The following HYDIN variants were observed in gnomAD, a reference collection of about 807,000 sequenced individuals.
The protein encoded by HYDIN is axonemal central pair apparatus protein HYDIN.
In HYDIN, 132 loss-of-function variants were observed where a neutral mutation model predicts 403.9. The ratio of observed to expected loss-of-function variants is 0.33; its 90% confidence interval spans 0.28 to 0.38. HYDIN has a LOEUF of 0.38. HYDIN is among the 10% of genes least tolerant of loss of function. The probability of loss-of-function intolerance (pLI) is 1.00; values close to 1 mark genes in which losing one functional copy is unlikely to be tolerated. For synonymous variants in HYDIN, 1,202 were observed against 1,891.7 expected, an observed-to-expected ratio of 0.64 and a Z score of 9.46; for missense variants, 2,827 against 5,009.5, an observed-to-expected ratio of 0.56 and a Z score of 13.15.
chr16:71,067,004 A>C lies in HYDIN; in HGVS notation c.2075+286T>G, dbSNP rs1427497904. 1.7e-5 allele frequency: 11 copies of C among 663,128 alleles called. No individual in the cohort carries two copies. The East Asian group carries it at 3.0e-4, about 18-fold the overall frequency. 41.1% of individuals were successfully genotyped at this position (663,128 alleles called of 1,614,324 possible). A position where few individuals can be genotyped will look rare whatever the true frequency, so the allele number is the denominator to read the frequency against. ...CCTGCTAAAACCTTTCTGGTTACATACTTTGAAAGTCAAACCCGTTAGAGA... is the reference window on the plus strand; with the variant it reads ...CCTGCTAAAACCTTTCTGGTTACATCCTTTGAAAGTCAAACCCGTTAGAGA... On this transcript the variant is annotated intron_variant, in intron 15 of 85. Transcript: ENST00000393567.
intron 8 of HYDIN, chr16:71,133,412 C>T (rs534756744): frequency 7.8e-5 from 29 of 372,368 alleles, no homozygotes; most frequent in Non-Finnish European, 1.4e-4. Flanking sequence ...TTTGTATAAA[C>T]CCTAGGGAAG....
chr16:71,190,091 A>G (rs564204451), intron 1 of HYDIN, among the ~76,000 whole-genome samples: 6 of 152,296 alleles, frequency 3.9e-5, no homozygotes, highest in African/African-American at 1.2e-4. Flanking sequence ...AAAGCCCATA[A>G]GCAATGAAAG....
In HYDIN at chr16:70,863,172, T is replaced by C; in HGVS notation, c.11482A>G (p.Ile3828Val). 6.2e-7 allele frequency: 1 copy of C among 1,613,556 alleles called. No homozygotes were observed. Among genetic ancestry groups the C allele is most frequent in the Non-Finnish European group, 8.5e-7 (1 of 1,179,812 alleles). The change falls in exon 68 of 86, where the codon ATT (isoleucine) becomes GTT (valine). Residue 3828 changes from isoleucine (I) to valine (V), a missense_variant. Ile to Val is a conservative substitution (Grantham distance 29). Transcript: ENST00000393567. ...YQTRVFEFDV[I>V]NSGRVQLEFS... Reference sequence around the variant, plus strand: ...TCCAGCTGGACACGTCCTGAATTAATCACATCGAACCTGCAAATCGATCAG... The same window carrying C: ...TCCAGCTGGACACGTCCTGAATTAACCACATCGAACCTGCAAATCGATCAG...
intron 71 of HYDIN, among the ~76,000 whole-genome samples, chr16:70,859,781 G>T (rs891142174): frequency 6.6e-6 from 1 of 152,106 alleles, no homozygotes; most frequent in Non-Finnish European, 1.5e-5. Context: ...AGGGTCCCCA[G>T]GCATTGGTGT....
chr16:71,222,057 A>G (rs529674019), intron 1 of HYDIN, among the ~76,000 whole-genome samples: 20 of 152,254 alleles, frequency 1.3e-4, no homozygotes, highest in Middle Eastern at 3.4e-3. Flanking sequence ...ATCATCTTCT[A>G]CCACATGGCT....
intron 76 of HYDIN, among the ~76,000 whole-genome samples, chr16:70,839,843 A>G (rs1321976753): frequency 7.0e-6 from 1 of 143,292 alleles, no homozygotes; most frequent in Non-Finnish European, 1.5e-5. Context: ...GCATTGCTCT[A>G]CATACTTCAC....
intron 52 of HYDIN, among the ~76,000 whole-genome samples, chr16:70,902,794 A>AATATATATATATATAT (rs1264288990): frequency 8.2e-5 from 5 of 61,134 alleles, no homozygotes; most frequent in Non-Finnish European, 1.1e-4. Context: ...CTACTCTTTA[A>AATATATATATATATAT]ATATATATAT....
intron 73 of HYDIN, among the ~76,000 whole-genome samples, chr16:70,851,573 C>A (rs911428745): frequency 1.3e-5 from 2 of 150,420 alleles, no homozygotes; most frequent in Non-Finnish European, 3.0e-5. Flanking sequence ...AAATAAAAAA[C>A]AACAGATCCT....
chr16:71,132,673 G>C (rs1050156101), intron 8 of HYDIN: 8 of 148,872 alleles, frequency 5.4e-5, no homozygotes, highest in African/African-American at 2.0e-4. Flanking sequence ...CCCTGTACCA[G>C]AAAACAAAGA....
chr16:70,807,697 TC>T lies in HYDIN; in HGVS notation c.15248del (p.Gly5083GlufsTer14), dbSNP rs1320629485. 1 of 1,614,040 alleles carries T rather than the reference TC, an allele frequency of 6.2e-7. No homozygotes were observed. The highest frequency in any genetic ancestry group is 1.3e-5 in the African/African-American group (1 of 74,904). ...KINNITVSFEGNPSGSKTPIT... is the reference protein window; with the variant it reads ...KINNITVSFEXNPSGSKTPIT... ...TGGGGGTTTTGCTGCCAGATGGGTTTCCTTCAAAGGAGACTGTGATGTTGTT... is the reference window on the plus strand; with the variant it reads ...TGGGGGTTTTGCTGCCAGATGGGTTTCTTCAAAGGAGACTGTGATGTTGTT... On this transcript the variant is annotated frameshift_variant, in exon 86 of 86. Coordinates refer to ENST00000393567, the MANE Select transcript of HYDIN (RefSeq NM_001270974.2). LOFTEE classifies it high-confidence loss of function.
At chr16:71,008,479 G>A (rs564413778) in intron 23 of HYDIN, among the ~76,000 whole-genome samples, 1 of 152,232 alleles carries the variant, frequency 6.6e-6, no homozygotes, top group Non-Finnish European at 1.5e-5. Flanking sequence ...CAAGATTACG[G>A]CAGCTTCCTT....
chr16:70,906,788 C>T (rs1026424887), intron 50 of HYDIN, among the ~76,000 whole-genome samples: 103 of 152,226 alleles, frequency 6.8e-4, no homozygotes, highest in Non-Finnish European at 1.3e-3. Flanking sequence ...GACATCTATG[C>T]CCTCATCCTT....
rs1227209227 is a variant in HYDIN at position 70,849,992 on chromosome 16, T to A, written c.12652-45A>T. ...GCAGTGAATGCAAACCATAGTTCCC[T>A]TGTCTGGGGTCAGCATTTGTAACAT... is the stretch of plus-strand genomic sequence containing the variant. On this transcript the variant is annotated intron_variant, in intron 74 of 85. Coordinates refer to ENST00000393567, the MANE Select transcript of HYDIN (RefSeq NM_001270974.2). 6 of 592,248 alleles carry A rather than the reference T, an allele frequency of 1.0e-5. No homozygotes were observed. The Admixed American group carries it at 1.2e-4, about 12-fold the overall frequency. The allele number at this position is 592,248 out of a possible 1,614,324, so 36.7% of individuals were successfully genotyped here. A position where few individuals can be genotyped will look rare whatever the true frequency, so the allele number is the denominator to read the frequency against.
chr16:70,835,287 C>T (rs1372131884), intron 78 of HYDIN, among the ~76,000 whole-genome samples: 2 of 152,046 alleles, frequency 1.3e-5, no homozygotes, highest in East Asian at 1.9e-4. Flanking sequence ...TGAGCCACTA[C>T]GCCCAGCCTA....
rs767160905 is a variant in HYDIN, at chr16:71,203,831, G to A, written c.-23-16913C>T. On this transcript the variant is annotated intron_variant, in intron 1 of 85. Coordinates refer to ENST00000393567, the MANE Select transcript of HYDIN (RefSeq NM_001270974.2). ...TAGTTCCCCAGCACATTGGGAGGCC[G>A]AGGTGGGCAGATCACTTGAGCTCAG... 19 of 455,362 alleles carry A rather than the reference G, an allele frequency of 4.2e-5. 1 individual carries two copies. Among genetic ancestry groups the A allele is most frequent in the African/African-American group, 3.0e-4 (15 of 50,168 alleles). 28.2% of individuals were successfully genotyped at this position (455,362 alleles called of 1,614,324 possible). A position where few individuals can be genotyped will look rare whatever the true frequency, so the allele number is the denominator to read the frequency against.
intron 3 of HYDIN, among the ~76,000 whole-genome samples, chr16:71,179,469 G>C (rs1034642933): frequency 6.6e-6 from 1 of 152,144 alleles, no homozygotes; most frequent in Non-Finnish European, 1.5e-5. Context: ...ACTTCTAAAG[G>C]AAATACCAAA....
intron 62 of HYDIN, among the ~76,000 whole-genome samples, chr16:70,875,884 G>A (rs1474636591): frequency 6.6e-6 from 1 of 152,106 alleles, no homozygotes; most frequent in Non-Finnish European, 1.5e-5. Flanking sequence ...GGGAATGGGT[G>A]GATAGGAATT....
In HYDIN at chr16:70,807,952, C is replaced by T. The variant is rs1241777468; in HGVS notation, c.14994G>A (p.Glu4998=). The change falls in exon 86 of 86, where the codon GAG becomes GAA. Residue 4998 remains glutamate (E), a synonymous_variant. Transcript: ENST00000393567. Reference sequence around the variant, plus strand: ...ATGATAGGATCAGGATGCCCTTGGTCTCACCCAGGTGGCTGGGCTCGAATA... The same window carrying T: ...ATGATAGGATCAGGATGCCCTTGGTTTCACCCAGGTGGCTGGGCTCGAATA... ...EVLFEPSHLG[E]TKGILILSSL... is the part of the protein sequence containing the mutation. 2 of 1,614,186 alleles carry T rather than the reference C, an allele frequency of 1.2e-6. No homozygotes were observed. The highest frequency in any genetic ancestry group is 1.7e-5 in the Admixed American group (1 of 60,020).
chr16:71,062,354 G>C, intron 16 of HYDIN, 21 bp from the exon 17 acceptor site: 2 of 1,594,588 alleles, frequency 1.3e-6, no homozygotes, highest in Non-Finnish European at 1.7e-6. Flanking sequence ...GAAAACCAGA[G>C]GGGTAAGGAC....
Sources: allele counts gnomAD v4.1 joint callset (sites outside exome capture counted in the v4.1 genomes callset), GRCh38; gene constraint gnomAD v4.1.1; transcripts MANE v1.5; gene names NCBI Gene and HGNC (gene_info 2026-07-23, HGNC 2026-07-21).